The following CNTN4 variants were observed in gnomAD, a reference collection of about 807,000 sequenced individuals.
The protein encoded by CNTN4 is contactin-4.
Under a neutral mutation model 122.5 loss-of-function variants are expected in CNTN4, and 77 were observed. The observed-to-expected ratio is 0.63, with a 90% CI of 0.52 to 0.76. CNTN4 has a LOEUF of 0.76. Ranked by LOEUF, CNTN4 falls within the 30% of genes least tolerant of loss-of-function variation. The pLI, the probability that CNTN4 is intolerant of heterozygous loss-of-function variation, is 0.00. For missense variants in CNTN4, 1,256 were observed against 1,259.1 expected (o/e 1.00, Z 0.04); for synonymous variants, 512 against 447.0 (o/e 1.15, Z -1.83).
At chr3:3,051,511 AT>A (rs1386914863) in intron 23 of CNTN4, among the ~76,000 whole-genome samples, 1 of 152,172 alleles carries the variant, frequency 6.6e-6, no homozygotes, top group Non-Finnish European at 1.5e-5. Flanking sequence ...CAAAGCAGCA[AT>A]TTATTCCTCA....
chr3:2,817,141 G>T (rs781392009), intron 6 of CNTN4, among the ~76,000 whole-genome samples: 1 of 152,218 alleles, frequency 6.6e-6, no homozygotes, highest in Non-Finnish European at 1.5e-5. Context: ...GCTTGCTCTA[G>T]TGTGCGTTTG....
chr3:2,119,791 G>C (rs200122421), intron 2 of CNTN4, among the ~76,000 whole-genome samples: 2 of 94,102 alleles, frequency 2.1e-5, no homozygotes, highest in Admixed American at 9.7e-5. Flanking sequence ...GAAAAGAAAA[G>C]AAGTGGATAT....
chr3:2,363,745 A>G (rs2045259006), intron 3 of CNTN4, among the ~76,000 whole-genome samples: 1 of 152,208 alleles, frequency 6.6e-6, no homozygotes, highest in Non-Finnish European at 1.5e-5. Context: ...GATAGAGAAT[A>G]ACTGGTCAGC....
At chr3:2,462,830 G>C (rs1332370441) in intron 3 of CNTN4, among the ~76,000 whole-genome samples, 1 of 152,150 alleles carries the variant, frequency 6.6e-6, no homozygotes, top group Non-Finnish European at 1.5e-5. Context: ...GGTGAGGACA[G>C]ATAATCCAAG....
intron 14 of CNTN4, among the ~76,000 whole-genome samples, chr3:2,995,331 C>T (rs543952997): frequency 2.6e-5 from 4 of 152,284 alleles, no homozygotes; most frequent in South Asian, 2.1e-4. Flanking sequence ...GTGAGAGCCA[C>T]GTAGATTGAG....
chr3:2,420,851 G>A (rs2047589298), intron 3 of CNTN4, among the ~76,000 whole-genome samples: 1 of 152,092 alleles, frequency 6.6e-6, no homozygotes, highest in Non-Finnish European at 1.5e-5. Context: ...TGTGATTAAC[G>A]TTTCTGATCA....
At chr3:2,938,952 C>A (rs745436194) in intron 13 of CNTN4, among the ~76,000 whole-genome samples, 14 of 151,966 alleles carry the variant, frequency 9.2e-5, no homozygotes, top group Non-Finnish European at 1.8e-4. Context: ...ATATTAAAAC[C>A]AGACAGGCAG....
chr3:2,425,414 T>G (rs898894754), intron 3 of CNTN4, among the ~76,000 whole-genome samples: 2 of 152,212 alleles, frequency 1.3e-5, no homozygotes, highest in Non-Finnish European at 2.9e-5. Flanking sequence ...GGCTCTGTTC[T>G]GTTCCATTGG....
intron 2 of CNTN4, among the ~76,000 whole-genome samples, chr3:2,330,078 A>T (rs1371852310): frequency 6.6e-6 from 1 of 152,184 alleles, no homozygotes; most frequent in Non-Finnish European, 1.5e-5. Flanking sequence ...CTTCTGGCCA[A>T]TTGATATAAA....
intron 7 of CNTN4, among the ~76,000 whole-genome samples, chr3:2,864,697 C>A (rs2093704725): frequency 7.6e-6 from 1 of 131,020 alleles, no homozygotes; most frequent in Non-Finnish European, 1.6e-5. Flanking sequence ...CAAGATCGTG[C>A]CACTGCACTC....
At chr3:2,977,628 C>T (rs1693550018) in intron 13 of CNTN4, among the ~76,000 whole-genome samples, 1 of 152,066 alleles carries the variant, frequency 6.6e-6, no homozygotes, top group African/African-American at 2.4e-5. Flanking sequence ...GGTGCCAGGC[C>T]CACAAAAGCA....
intron 2 of CNTN4, among the ~76,000 whole-genome samples, chr3:2,300,861 G>A (rs1397794579): frequency 2.6e-5 from 4 of 151,982 alleles, no homozygotes; most frequent in African/African-American, 9.7e-5. Flanking sequence ...GAGCCACCGT[G>A]CCTGGCCGAT....
chr3:3,053,521 C>G (rs1328133181), intron 23 of CNTN4, among the ~76,000 whole-genome samples: 1 of 152,222 alleles, frequency 6.6e-6, no homozygotes, highest in Non-Finnish European at 1.5e-5. Flanking sequence ...CTCATATTTT[C>G]CACTTTCCCA....
At chr3:2,850,650 C>A (rs1484295212) in intron 7 of CNTN4, among the ~76,000 whole-genome samples, 1 of 152,140 alleles carries the variant, frequency 6.6e-6, no homozygotes, top group Non-Finnish European at 1.5e-5. Context: ...TAGATGAATT[C>A]TTCCTCCCTT....
chr3:2,274,789 G>A (rs1383022896), intron 2 of CNTN4, among the ~76,000 whole-genome samples: 12 of 152,108 alleles, frequency 7.9e-5, no homozygotes, highest in South Asian at 2.1e-4. Context: ...TCAAGCTTCC[G>A]AGTAAAAATG....
At chr3:3,011,350 G>T (rs1040238900) in intron 14 of CNTN4, among the ~76,000 whole-genome samples, 10 of 152,082 alleles carry the variant, frequency 6.6e-5, no homozygotes, top group African/African-American at 2.2e-4. Context: ...TTATTCACCG[G>T]TTATTAATCT....
In CNTN4 at chr3:2,627,562, C is replaced by T. The variant is rs145303300; in HGVS notation, c.55+56004C>T. Among the ~76,000 whole-genome samples, 798 of 146,870 alleles carry T rather than the reference C, an allele frequency of 5.4e-3. 9 individuals carry two copies. The highest frequency in any genetic ancestry group is 0.019 in the African/African-American group (741 of 39,508). ...AGGCTGGAGTGTAGTAGCGCAATCT[C>T]GGCTCACTGCAAGCTCCGCCTCCTG... On this transcript the variant is annotated intron_variant, in intron 4 of 24. Transcript: ENST00000418658.
rs141117389 is a variant in CNTN4, at chr3:2,219,838, A to G, written c.-145+119199A>G. ...AAAAGATGGCATTTTTTTCAGAAAT[A>G]TAGACATTAAACTTAATGAAACTTA... On this transcript the variant is annotated intron_variant, in intron 2 of 24. Transcript: ENST00000418658. 5.4e-3 allele frequency among the ~76,000 whole-genome samples: 823 copies of G among 152,218 alleles called. 3 individuals are homozygous for G. Among genetic ancestry groups the G allele is most frequent in the Non-Finnish European group, 9.2e-3 (627 of 67,996 alleles).
At chr3:2,561,342 C>T (rs1158243170) in intron 3 of CNTN4, among the ~76,000 whole-genome samples, 3 of 152,142 alleles carry the variant, frequency 2.0e-5, no homozygotes, top group Non-Finnish European at 4.4e-5. Flanking sequence ...ATCCTTCTTT[C>T]CTGCTCTGGT....
Sources: gnomAD v4.1 joint callset for allele counts (sites outside exome capture counted in the v4.1 genomes callset) on GRCh38, gnomAD v4.1.1 for gene constraint, MANE v1.5 for transcripts, NCBI Gene and HGNC (gene_info 2026-07-23, HGNC 2026-07-21) for gene names.